The following ENAH variants were observed in gnomAD, a reference collection of about 807,000 sequenced individuals.
ENAH encodes ENAH actin regulator.
A neutral mutation model predicts 78.7 loss-of-function variants in ENAH; 23 were observed. That is an observed-to-expected ratio of 0.29 (90% CI 0.21 to 0.41). ENAH has a LOEUF of 0.41. Ranked by LOEUF, ENAH falls within the 10% of genes least tolerant of loss-of-function variation. The probability of loss-of-function intolerance (pLI) is 1.00; values close to 1 mark genes in which losing one functional copy is unlikely to be tolerated. For synonymous variants in ENAH, 226 were observed against 241.0 expected (o/e 0.94, Z 0.58); for missense variants, 544 against 691.0 (o/e 0.79, Z 2.39).
intron 1 of ENAH, chr1:225,652,284 T>C (rs936447585): frequency 3.0e-5 from 29 of 961,918 alleles, no homozygotes. Context: ...GAGGCAAAAG[T>C]GCATGAAATT....
rs1038454432 is a variant in ENAH, at chr1:225,553,189, G to A, written c.349+1717C>T. Among the ~76,000 whole-genome samples the A allele has an allele frequency of 4.6e-5, 7 of 152,098 alleles. No individual in the cohort carries two copies. The East Asian group carries it at 7.7e-4, about 17-fold the overall frequency. ...GCAGAGGTTGCAGTGAGCCAAGATC[G>A]CGTCACTGCACTCCAGCCTGGGCAA... On this transcript the variant is annotated intron_variant, in intron 3 of 13. Transcript: ENST00000366843.
intron 3 of ENAH, among the ~76,000 whole-genome samples, chr1:225,541,410 G>A (rs139266338): frequency 2.2e-3 from 335 of 152,130 alleles, no homozygotes; most frequent in African/African-American, 7.1e-3. Flanking sequence ...ACTCCAGCCC[G>A]GGCGACAGAG....
intron 12 of ENAH, among the ~76,000 whole-genome samples, chr1:225,499,620 T>C (rs558546237): frequency 6.6e-6 from 1 of 151,632 alleles, no homozygotes; most frequent in Non-Finnish European, 1.5e-5. Context: ...TGCAGCGACC[T>C]GAGATTGCAC....
At chr1:225,638,235 C>G (rs1660405272) in intron 1 of ENAH, among the ~76,000 whole-genome samples, 1 of 152,124 alleles carries the variant, frequency 6.6e-6, no homozygotes, top group Non-Finnish European at 1.5e-5. Flanking sequence ...GAAAAAAAAG[C>G]AGCCTCAACA....
chr1:225,651,790 G>A (rs1019487805), intron 1 of ENAH, among the ~76,000 whole-genome samples: 4 of 151,624 alleles, frequency 2.6e-5, no homozygotes, highest in Admixed American at 2.6e-4. Flanking sequence ...GGAAAGGCTG[G>A]AAAAAAAATC....
intron 2 of ENAH, among the ~76,000 whole-genome samples, chr1:225,566,857 T>C (rs1048415985): frequency 2.6e-5 from 4 of 152,228 alleles, no homozygotes; most frequent in African/African-American, 9.6e-5. Flanking sequence ...TTTCTGAAAC[T>C]ATCTATACTT....
At position 225,487,535 on chromosome 1, in the gene ENAH, A is replaced by G. The variant is rs1159785596; in HGVS notation, c.*10240T>C. ...ATTCGGCAAGGCCCATTAATTCACA[A>G]ATTCCATGATAAGATACATGAGGTT... On this transcript the variant is annotated 3_prime_UTR_variant, in exon 14 of 14. Coordinates refer to ENST00000366843, the MANE Select transcript of ENAH (RefSeq NM_018212.6). The G allele has an allele frequency of 6.6e-6, 1 of 152,230 alleles. No homozygotes were observed. The highest frequency in any genetic ancestry group is 1.5e-5 in the Non-Finnish European group (1 of 68,046). 9.4% of individuals were successfully genotyped at this position (152,230 alleles called of 1,614,324 possible).
chr1:225,577,070 T>C (rs923748020), intron 1 of ENAH, among the ~76,000 whole-genome samples: 1 of 152,126 alleles, frequency 6.6e-6, no homozygotes, highest in African/African-American at 2.4e-5. Flanking sequence ...TGGGCCAAGA[T>C]TGTGCCACTG....
chr1:225,653,738 G>A (rs573457261), upstream of ENAH, among the ~76,000 whole-genome samples: 1 of 152,334 alleles, frequency 6.6e-6, no homozygotes, highest in South Asian at 2.1e-4. This position sits in a 1 kb window ranked among gnomAD's most constrained non-coding sequence, Gnocchi z 4.3. Context: ...CGGGGATGAG[G>A]GAATCGGGGG....
At chr1:225,533,125 T>C (rs941590441) in intron 3 of ENAH, among the ~76,000 whole-genome samples, 4 of 152,166 alleles carry the variant, frequency 2.6e-5, no homozygotes, top group Admixed American at 2.6e-4. Flanking sequence ...TTGAAATTTA[T>C]GTGCATTTAA....
intron 1 of ENAH, among the ~76,000 whole-genome samples, chr1:225,637,033 C>G (rs1028161742): frequency 1.3e-5 from 2 of 152,136 alleles, no homozygotes; most frequent in African/African-American, 4.8e-5. Context: ...CGCAACTTCA[C>G]TGGTACCTTT....
Position 225,641,677 on chromosome 1 carries a change from C to T in ENAH, c.5+11009G>A, listed in dbSNP as rs192645213. The stretch of plus-strand genomic sequence containing the variant: ...TGAGGCGGGCAGATCACGTGAGGTC[C>T]GGAGTTCGAGACCAGCCTGGCCAAC... On this transcript the variant is annotated intron_variant, in intron 1 of 13. Transcript: ENST00000366843. Among the ~76,000 whole-genome samples, 212 of 150,706 alleles carry T rather than the reference C, an allele frequency of 1.4e-3. 1 individual carries two copies. Among genetic ancestry groups the T allele is most frequent in the African/African-American group, 4.9e-3 (201 of 41,080 alleles).
intron 3 of ENAH, among the ~76,000 whole-genome samples, chr1:225,542,665 A>C (rs1315715585): frequency 6.6e-6 from 1 of 152,248 alleles, no homozygotes; most frequent in Non-Finnish European, 1.5e-5. Context: ...CTATTAAAAT[A>C]GTTTGGTTGA....
At chr1:225,517,381 G>C (rs2096429244) in intron 5 of ENAH, 75 bp from the exon 6 acceptor site, 8 of 1,551,792 alleles carry the variant, frequency 5.2e-6, no homozygotes, top group Non-Finnish European at 7.0e-6. Flanking sequence ...AGGAGGAGAA[G>C]CTTGAGATCC....
At chr1:225,599,547 TGTAA>T (rs2096919427) in intron 1 of ENAH, among the ~76,000 whole-genome samples, 1 of 152,098 alleles carries the variant, frequency 6.6e-6, no homozygotes, top group African/African-American at 2.4e-5. Flanking sequence ...GGCTCACACC[TGTAA>T]TCCTTGCACT....
At chr1:225,652,289 G>A in intron 1 of ENAH, 8 of 975,874 alleles carry the variant, frequency 8.2e-6, no homozygotes, top group Non-Finnish European at 9.7e-6. Flanking sequence ...AAAAGTGCAT[G>A]AAATTTTTAC....
chr1:225,508,875 A>G (rs2096355198), intron 10 of ENAH, among the ~76,000 whole-genome samples: 1 of 152,198 alleles, frequency 6.6e-6, no homozygotes, highest in African/African-American at 2.4e-5. Context: ...GTTCCAATGC[A>G]GCTCCTCAGC....
chr1:225,567,817 T>G (rs2096742310), intron 1 of ENAH, among the ~76,000 whole-genome samples: 1 of 152,196 alleles, frequency 6.6e-6, no homozygotes, highest in African/African-American at 2.4e-5. Flanking sequence ...AAGTGTAAAT[T>G]AATCATTATT....
chr1:225,541,805 A>C (rs1335165288), intron 3 of ENAH, among the ~76,000 whole-genome samples: 1 of 152,196 alleles, frequency 6.6e-6, no homozygotes, highest in African/African-American at 2.4e-5. Context: ...TCACTTGAAA[A>C]ACAAAATGCT....
Sources: gnomAD v4.1 joint callset for allele counts (sites outside exome capture counted in the v4.1 genomes callset) on GRCh38, gnomAD v4.1.1 for gene constraint, Gnocchi (gnomAD v3.1) non-coding constraint, MANE v1.5 for transcripts, NCBI Gene and HGNC (gene_info 2026-07-23, HGNC 2026-07-21) for gene names.